The following EXD3 variants were observed in gnomAD, a reference collection of about 807,000 sequenced individuals.
The protein encoded by EXD3 is exonuclease 3'-5' domain containing 3.
A neutral mutation model predicts 98.0 loss-of-function variants in EXD3; 92 were observed. The observed-to-expected ratio is 0.94, with a 90% CI of 0.79 to 1.12. The LOEUF (loss-of-function observed/expected upper bound fraction) is 1.12. Ranked by LOEUF, EXD3 falls within the 50% of genes most tolerant of loss-of-function variation. The pLI, the probability that EXD3 is intolerant of heterozygous loss-of-function variation, is 0.00. For synonymous variants in EXD3, 569 were observed against 526.0 expected (o/e 1.08, Z -1.12); for missense variants, 1,222 against 1,191.6 (o/e 1.03, Z -0.38).
rs1005929894 is a variant in EXD3, at chr9:137,405,793, G to A, written c.-47-10389C>T. 6.6e-6 allele frequency among the ~76,000 whole-genome samples: 1 copy of A among 152,240 alleles called. No homozygotes were observed. Among genetic ancestry groups the A allele is most frequent in the Non-Finnish European group, 1.5e-5 (1 of 68,046 alleles). On this transcript the variant is annotated intron_variant, in intron 1 of 21. Transcript: ENST00000340951. This position sits in a 1 kb window ranked among gnomAD's most constrained non-coding sequence, Gnocchi z 4.1. ...CTCCTGCCGGCCGGCACAGGGGTGG[G>A]TACCATGCACATGGTCTCCCCGCCC...
At chr9:137,326,329 C>A (rs111439139) in intron 17 of EXD3, among the ~76,000 whole-genome samples, 18 of 152,180 alleles carry the variant, frequency 1.2e-4, no homozygotes, top group Middle Eastern at 3.4e-3. Flanking sequence ...ATAGGAGGAA[C>A]CCTATAATTC....
chr9:137,389,948 C>A (rs548233951), intron 2 of EXD3, among the ~76,000 whole-genome samples: 1 of 151,170 alleles, frequency 6.6e-6, no homozygotes, highest in Admixed American at 6.6e-5. Context: ...ATGGCGAAAC[C>A]CCGTCTCTAC....
chr9:137,349,632 C>A lies in EXD3; in HGVS notation c.1495-101G>T. 8.1e-7 allele frequency: 1 copy of A among 1,232,660 alleles called. No homozygotes were observed. Among genetic ancestry groups the A allele is most frequent in the Non-Finnish European group, 1.1e-6 (1 of 929,332 alleles). The allele number at this position is 1,232,660 out of a possible 1,614,324, so 76.4% of individuals were successfully genotyped here. ...CCCTGCGGGGGCTCTGGAGGAGGCC[C>A]CGCCCCCTCCACCAGCGGCCCCCAC... On this transcript the variant is annotated intron_variant, in intron 14 of 21. Transcript: ENST00000340951. This position sits in a 1 kb window ranked among gnomAD's most constrained non-coding sequence, Gnocchi z 7.4.
intron 1 of EXD3, among the ~76,000 whole-genome samples, chr9:137,404,503 T>C (rs1837625624): frequency 6.6e-6 from 1 of 152,228 alleles, no homozygotes; most frequent in Non-Finnish European, 1.5e-5. Context: ...TAAAGGCAAT[T>C]ATGCATGTAA....
chr9:137,395,342 G>C lies in EXD3; in HGVS notation c.16C>G (p.Pro6Ala), dbSNP rs374722485. 17 of 1,613,220 alleles carry C rather than the reference G, an allele frequency of 1.1e-5. No individual in the cohort carries two copies. Among genetic ancestry groups the C allele is most frequent in the Non-Finnish European group, 1.2e-5 (14 of 1,179,810 alleles). Residue 6 changes from proline (P) to alanine (A), a missense_variant, in exon 2 of 22, where the codon CCC (proline) becomes GCC (alanine). Transcript: ENST00000340951. The surrounding 1 kb of genome is among the most constrained non-coding windows in gnomAD (Gnocchi z 6.5). MDPGD[P>A]AGDPAAGERH... ...TCGCCAGCGGCAGGGTCACCAGCGG[G>C]ATCTCCTGGGTCCATCCTCAGGGCC...
At chr9:137,379,136 G>A (rs1467945865) in intron 3 of EXD3, among the ~76,000 whole-genome samples, 1 of 120,908 alleles carries the variant, frequency 8.3e-6, no homozygotes, top group Admixed American at 7.7e-5. Context: ...TGTGTGAGGG[G>A]TACAGGGTTT....
At chr9:137,309,983 AGCCCTCGAGGGCAGAACCAGGTC>A (rs1213784340) in intron 19 of EXD3, among the ~76,000 whole-genome samples, 1 of 152,198 alleles carries the variant, frequency 6.6e-6, no homozygotes, top group Non-Finnish European at 1.5e-5. Flanking sequence ...CCAATCCCAG[AGCCCTCGAGGGCAGAACCAGGTC>A]TGGGTCCCCC....
At chr9:137,366,382 C>A in intron 7 of EXD3, 111 bp downstream of exon 7, 1 of 1,456,262 alleles carries the variant, frequency 6.9e-7, no homozygotes, top group East Asian at 2.5e-5. Flanking sequence ...AACACCAGAA[C>A]TTCCTGGGGA....
chr9:137,327,503 T>G (rs1246324981), intron 17 of EXD3, among the ~76,000 whole-genome samples: 1 of 152,156 alleles, frequency 6.6e-6, no homozygotes, highest in East Asian at 1.9e-4. Context: ...ATACAGTGAA[T>G]GTGCTAATGC....
At chr9:137,363,867 C>T (rs759220097) in intron 7 of EXD3, among the ~76,000 whole-genome samples, 4 of 152,134 alleles carry the variant, frequency 2.6e-5, no homozygotes, top group African/African-American at 9.7e-5. Flanking sequence ...CATTAAGTTG[C>T]AAACAATATC....
At chr9:137,310,387 C>T (rs1002162205) in intron 19 of EXD3, among the ~76,000 whole-genome samples, 12 of 152,320 alleles carry the variant, frequency 7.9e-5, no homozygotes, top group East Asian at 3.9e-4. Context: ...CACCACCACA[C>T]TCAGCTAATT....
intron 2 of EXD3, among the ~76,000 whole-genome samples, chr9:137,383,683 T>C (rs1836438716): frequency 6.6e-6 from 1 of 152,216 alleles, no homozygotes; most frequent in African/African-American, 2.4e-5. Context: ...AGAGCAGCCC[T>C]CGTGGGCCTG....
In EXD3 at chr9:137,402,389, T is replaced by TAA. The variant is rs556821656; in HGVS notation, c.-47-6987_-47-6986dup. On this transcript the variant is annotated intron_variant, in intron 1 of 21. Transcript: ENST00000340951. The stretch of plus-strand genomic sequence containing the variant: ...TAGAGATTTCTTCCACCAGATACCC[T>TAA]AAATCATCTCTCTCTCAAGGTCAAA... Among the ~76,000 whole-genome samples the TAA allele has an allele frequency of 1.1e-3, 172 of 152,320 alleles. 1 individual carries two copies. The highest frequency in any genetic ancestry group is 3.9e-3 in the African/African-American group (163 of 41,568).
At chr9:137,382,054 C>T (rs373322325) in intron 3 of EXD3, among the ~76,000 whole-genome samples, 14 of 140,772 alleles carry the variant, frequency 9.9e-5, no homozygotes, top group East Asian at 6.6e-4. Context: ...GAGGTGAGGG[C>T]GCGCGGAGGA....
intron 19 of EXD3, 112 bp downstream of exon 19, chr9:137,323,613 G>A (rs1434293152): frequency 4.9e-6 from 7 of 1,438,272 alleles, no homozygotes; most frequent in Middle Eastern, 2.3e-4. Flanking sequence ...ATGCTCTGCC[G>A]ACACCCCACC....
At position 137,421,850 on chromosome 9, in the gene EXD3, T is replaced by C. The variant is rs139170495; in HGVS notation, c.-48+1264A>G. 1.4e-4 allele frequency among the ~76,000 whole-genome samples: 22 copies of C among 152,190 alleles called. No individual in the cohort carries two copies. In the East Asian group the frequency reaches 3.7e-3, roughly 25 times the overall value. ...AAGACCCCATTTCTAAGTAAACAAA[T>C]AAATAAAAAGAAAGAAGAACATGGA... On this transcript the variant is annotated intron_variant, in intron 1 of 21. Coordinates refer to ENST00000340951, the MANE Select transcript of EXD3 (RefSeq NM_017820.5).
At position 137,349,111 on chromosome 9, in the gene EXD3, T is replaced by C; in HGVS notation, c.1829A>G (p.Gln610Arg). The C allele has an allele frequency of 1.3e-6, 2 of 1,592,538 alleles. No individual in the cohort carries two copies. Among genetic ancestry groups the C allele is most frequent in the Non-Finnish European group, 1.7e-6 (2 of 1,175,014 alleles). ...CGGACCCTGCGGGGCTTCACCCACC[T>C]GCCTGGGTGCGGCCGGTGCTGACGC... Reference protein sequence around the residue: ...QKASAPAAPRQVPVAVAVSEG... With the variant: ...QKASAPAAPRRVPVAVAVSEG... The change falls in exon 16 of 22, where the codon CAG becomes CGG. Residue 610 changes from glutamine to arginine, a missense_variant and splice_region_variant. Physicochemically the swap from Gln to Arg is conservative, Grantham distance 43. Transcript: ENST00000340951. The surrounding 1 kb of genome is among the most constrained non-coding windows in gnomAD (Gnocchi z 7.4).
rs775088304 is a variant in EXD3 at position 137,373,558 on chromosome 9, G to T, written c.162C>A (p.Asp54Glu). The change falls in exon 4 of 22, where the codon GAC (aspartate) becomes GAA (glutamate). Residue 54 changes from aspartate (D) to glutamate (E), a missense_variant. Coordinates refer to ENST00000340951, the MANE Select transcript of EXD3 (RefSeq NM_017820.5). ...EAWRGFAALD[D>E]PLAGLLDMLE... The stretch of plus-strand genomic sequence containing the variant: ...GCATGTCCAGAAGCCCGGCCAGGGG[G>T]TCGTCCAAGGCAGCAAACCCCCGCC... The T allele has an allele frequency of 3.1e-6, 5 of 1,603,640 alleles. No individual in the cohort carries two copies. The highest frequency in any genetic ancestry group is 4.3e-6 in the Non-Finnish European group (5 of 1,176,216).
chr9:137,310,188 G>A (rs953849163), intron 19 of EXD3, among the ~76,000 whole-genome samples: 1 of 152,244 alleles, frequency 6.6e-6, no homozygotes, highest in African/African-American at 2.4e-5. Context: ...TGGCGAGGGG[G>A]CTGGAGCAAC....
Sources: allele counts gnomAD v4.1 joint callset (sites outside exome capture counted in the v4.1 genomes callset), GRCh38; gene constraint gnomAD v4.1.1; non-coding constraint Gnocchi (gnomAD v3.1); transcripts MANE v1.5; gene names NCBI Gene and HGNC (gene_info 2026-07-23, HGNC 2026-07-21).